LMF2: variants seen among roughly 807,000 people sequenced by gnomAD.
LMF2 encodes lipase maturation factor 2.
In LMF2, 113 loss-of-function variants were observed where a neutral mutation model predicts 81.5. The ratio of observed to expected loss-of-function variants is 1.39; its 90% confidence interval spans 1.19 to 1.62. The LOEUF is 1.62. Ranked by LOEUF, LMF2 falls within the 40% of genes most tolerant of loss-of-function variation. The pLI, the probability that LMF2 is intolerant of heterozygous loss-of-function variation, is 0.00. For missense variants in LMF2, 1,235 were observed against 929.1 expected (o/e 1.33, Z -4.28); for synonymous variants, 645 against 424.5 (o/e 1.52, Z -6.39).
rs752124092 is a variant in LMF2, at chr22:50,505,697, C to T, written c.893G>A (p.Gly298Asp). ...DQHLAAEPGH[G>D]SRKKTATSWP... is the part of the protein sequence containing the mutation. ...ACAGGTGGCCGTCTTCTTGCGGCTGCCGTGGCCAGGCTCAGCAGCCAGGTG... is the reference window on the plus strand; with the variant it reads ...ACAGGTGGCCGTCTTCTTGCGGCTGTCGTGGCCAGGCTCAGCAGCCAGGTG... The change falls in exon 6 of 14, where the codon GGC becomes GAC. Residue 298 changes from glycine (G) to aspartate (D), a missense_variant. Coordinates refer to ENST00000474879, the MANE Select transcript of LMF2 (RefSeq NM_033200.3). 2 of 1,612,410 alleles carry T rather than the reference C, an allele frequency of 1.2e-6. No individual in the cohort carries two copies. Among genetic ancestry groups the T allele is most frequent in the South Asian group, 2.2e-5 (2 of 91,088 alleles).
chr22:50,503,634 G>T lies in LMF2; in HGVS notation c.1881C>A (p.Arg627=), dbSNP rs761733548. 31 of 1,588,778 alleles carry T rather than the reference G, an allele frequency of 2.0e-5. No individual in the cohort carries two copies. The highest frequency in any genetic ancestry group is 2.2e-5 in the Non-Finnish European group (26 of 1,169,422). ...STLAQALHWT[R]SQLSPLEAPA... is the part of the protein sequence containing the mutation. ...GGGCCTCCAGGGGAGACAGCTGAGA[G>T]CGAGTCCAGTGGAGGGCCTGGGCCA... Residue 627 remains arginine, a synonymous_variant, in exon 14 of 14, where the codon CGC becomes CGA. Transcript: ENST00000474879.
Position 50,504,633 on chromosome 22 carries a change from G to GCA in LMF2, c.1530_1531dup (p.Ala511ValfsTer27), listed in dbSNP as rs750878877. 6.2e-7 allele frequency: 1 copy of GCA among 1,608,016 alleles called. No individual in the cohort carries two copies. The highest frequency in any genetic ancestry group is 1.1e-5 in the South Asian group (1 of 90,990). ...GCTGTGCGTGTGTGGGCCCAGGGCT[G>GCA]CAAACCACATCTGCCAGTCCAGGCG... On this transcript the variant is annotated frameshift_variant, in exon 11 of 14. Transcript: ENST00000474879. LOFTEE classifies it high-confidence loss of function.
rs369404627 is a variant in LMF2 at position 50,505,728 on chromosome 22, C to G, written c.862G>C (p.Asp288His). 1.9e-6 allele frequency: 3 copies of G among 1,613,030 alleles called. No individual in the cohort carries two copies. The highest frequency in any genetic ancestry group is 2.5e-6 in the Non-Finnish European group (3 of 1,179,954). ...TLVLTTALLDDQHLAAEPGHG... is the reference protein window; with the variant it reads ...TLVLTTALLDHQHLAAEPGHG... Reference sequence around the variant, plus strand: ...CCAGGCTCAGCAGCCAGGTGCTGGTCGTCCAGCAGCGCAGTGGTAAGCACC... The same window carrying G: ...CCAGGCTCAGCAGCCAGGTGCTGGTGGTCCAGCAGCGCAGTGGTAAGCACC... Residue 288 changes from aspartate to histidine, a missense_variant, in exon 6 of 14, where the codon GAC (aspartate) becomes CAC (histidine). Asp to His is a moderately conservative substitution (Grantham distance 81). Transcript: ENST00000474879.
chr22:50,506,594 C>A (rs781169580), intron 3 of LMF2, 44 bp downstream of exon 3: 1 of 1,602,580 alleles, frequency 6.2e-7, no homozygotes, highest in East Asian at 2.2e-5. Context: ...CCTCCCCCAC[C>A]CCCTACCCAG....
In LMF2 at chr22:50,506,794, CAGGT is replaced by C. The variant is rs1466036274; in HGVS notation, c.332_335del (p.Tyr111CysfsTer20). On this transcript the variant is annotated frameshift_variant, in exon 2 of 14. Transcript: ENST00000474879. LOFTEE classifies it high-confidence loss of function. Reference sequence around the variant, plus strand: ...AGGTCCCACTTGCCTGGCAGGCTGACAGGTAGGCGGCCCAAAGCAGCAAGTAGAT... The same window carrying C: ...AGGTCCCACTTGCCTGGCAGGCTGACAGGCGGCCCAAAGCAGCAAGTAGAT... 3.1e-6 allele frequency: 5 copies of C among 1,612,520 alleles called. No individual in the cohort carries two copies. The African/African-American group carries it at 4.0e-5, about 13-fold the overall frequency.
intron 1 of LMF2, 191 bp from the exon 2 acceptor site, chr22:50,507,226 A>T: frequency 1.1e-6 from 1 of 925,074 alleles, no homozygotes; most frequent in Non-Finnish European, 1.6e-6. Context: ...CCAGGGCTAG[A>T]GGCCTGCTCA....
rs1030419990 is a variant in LMF2, at chr22:50,503,910, G to A, written c.1719-6C>T. Reference sequence around the variant, plus strand: ...ACTGGCGCCGCCACCACTGGCTGCAGCAGGACCCGATGTTCAGAAGCTGGA... The same window carrying A: ...ACTGGCGCCGCCACCACTGGCTGCAACAGGACCCGATGTTCAGAAGCTGGA... On this transcript the variant is annotated splice_region_variant and splice_polypyrimidine_tract_variant and intron_variant, in intron 12 of 13. Transcript: ENST00000474879. 2 of 1,604,008 alleles carry A rather than the reference G, an allele frequency of 1.2e-6. No homozygotes were observed. Among genetic ancestry groups the A allele is most frequent in the East Asian group, 2.2e-5 (1 of 44,842 alleles).
In LMF2 at chr22:50,506,794, C is replaced by T; in HGVS notation, c.336G>A (p.Leu112=). 1 of 1,612,638 alleles carries T rather than the reference C, an allele frequency of 6.2e-7. No homozygotes were observed. Among genetic ancestry groups the T allele is most frequent in the Non-Finnish European group, 8.5e-7 (1 of 1,179,544 alleles). Residue 112 remains leucine, a synonymous_variant, in exon 2 of 14, where the codon CTG becomes CTA. Coordinates refer to ENST00000474879, the MANE Select transcript of LMF2 (RefSeq NM_033200.3). ...AGGTCCCACTTGCCTGGCAGGCTGA[C>T]AGGTAGGCGGCCCAAAGCAGCAAGT... The part of the protein sequence containing the change: ...VIYLLLWAAY[L]SACQVGQVFL...
At position 50,505,540 on chromosome 22, in the gene LMF2, G is replaced by C; in HGVS notation, c.917-3C>G. The C allele has an allele frequency of 6.2e-7, 1 of 1,612,462 alleles. No homozygotes were observed. Among genetic ancestry groups the C allele is most frequent in the Non-Finnish European group, 8.5e-7 (1 of 1,179,994 alleles). ...GGCCAGCAGGGCCTTGGGCCAGGCTGTGGGGCAGGACAGTCATGGGTCAGC... is the reference window on the plus strand; with the variant it reads ...GGCCAGCAGGGCCTTGGGCCAGGCTCTGGGGCAGGACAGTCATGGGTCAGC... On this transcript the variant is annotated splice_region_variant and splice_polypyrimidine_tract_variant and intron_variant, in intron 6 of 13. Transcript: ENST00000474879.
Position 50,503,918 on chromosome 22 carries a change from C to T in LMF2, c.1719-14G>A, listed in dbSNP as rs373613600. On this transcript the variant is annotated splice_polypyrimidine_tract_variant and intron_variant, in intron 12 of 13. Coordinates refer to ENST00000474879, the MANE Select transcript of LMF2 (RefSeq NM_033200.3). ...CGCCACCACTGGCTGCAGCAGGACC[C>T]GATGTTCAGAAGCTGGAGGCACCCC... is the stretch of plus-strand genomic sequence containing the variant. 88 of 1,602,986 alleles carry T rather than the reference C, an allele frequency of 5.5e-5. No homozygotes were observed. Among genetic ancestry groups the T allele is most frequent in the Non-Finnish European group, 6.4e-5 (76 of 1,178,874 alleles).
rs2068541736 is a variant in LMF2, at chr22:50,505,654, GC to G, written c.916+19del. On this transcript the variant is annotated intron_variant, in intron 6 of 13. Transcript: ENST00000474879. ...GGGAGAACCCCTGGGAGGGCAGGGG[GC>G]TGGACAAGTGACACGCACAGGTGGC... The G allele has an allele frequency of 6.2e-7, 1 of 1,612,428 alleles. No individual in the cohort carries two copies.
At chr22:50,504,504 C>CAA in intron 11 of LMF2, 53 bp from the exon 12 acceptor site, 1 of 1,498,406 alleles carries the variant, frequency 6.7e-7, no homozygotes, top group East Asian at 2.4e-5. Context: ...TGCCCCTCCC[C>CAA]TCCCCACCCC....
At position 50,503,715 on chromosome 22, in the gene LMF2, A is replaced by C. The variant is rs1352164394; in HGVS notation, c.1816-16T>G. On this transcript the variant is annotated splice_polypyrimidine_tract_variant and intron_variant, in intron 13 of 13. Transcript: ENST00000474879. Reference sequence around the variant, plus strand: ...GGCTTTTCTCCTGTGGGAGGGAGGGAGGGAGGGAGGTTGGGGAAGTGCTTA... The same window carrying C: ...GGCTTTTCTCCTGTGGGAGGGAGGGCGGGAGGGAGGTTGGGGAAGTGCTTA... 1 of 579,964 alleles carries C rather than the reference A, an allele frequency of 1.7e-6. No homozygotes were observed. Among genetic ancestry groups the C allele is most frequent in the African/African-American group, 2.3e-5 (1 of 43,724 alleles). 35.9% of individuals were successfully genotyped at this position (579,964 alleles called of 1,614,324 possible).
Position 50,503,917 on chromosome 22 carries a change from C to A in LMF2, c.1719-13G>T, listed in dbSNP as rs752373682. The A allele has an allele frequency of 1.7e-5, 27 of 1,603,182 alleles. No homozygotes were observed. Among genetic ancestry groups the A allele is most frequent in the Non-Finnish European group, 8.5e-7 (1 of 1,178,980 alleles). ...CCGCCACCACTGGCTGCAGCAGGACCCGATGTTCAGAAGCTGGAGGCACCC... is the reference window on the plus strand; with the variant it reads ...CCGCCACCACTGGCTGCAGCAGGACACGATGTTCAGAAGCTGGAGGCACCC... On this transcript the variant is annotated splice_polypyrimidine_tract_variant and intron_variant, in intron 12 of 13. Transcript: ENST00000474879.
intron 11 of LMF2, 49 bp from the exon 12 acceptor site, chr22:50,504,500 T>TCCCCCCCCCCCC: frequency 2.0e-6 from 1 of 501,442 alleles, no homozygotes; most frequent in East Asian, 5.9e-5. Context: ...GCCCTGCCCC[T>TCCCCCCCCCCCC]CCCCTCCCCA....
chr22:50,505,946 GAGCC>G, intron 5 of LMF2, 85 bp downstream of exon 5: 3 of 1,560,872 alleles, frequency 1.9e-6, no homozygotes, highest in Non-Finnish European at 2.6e-6. Flanking sequence ...CTGTCCCCGG[GAGCC>G]ACGCTGTCCC....
chr22:50,503,245 A>G lies in LMF2; in HGVS notation c.*146T>C. 1.2e-6 allele frequency: 1 copy of G among 809,038 alleles called. No homozygotes were observed. Among genetic ancestry groups the G allele is most frequent in the Non-Finnish European group, 1.9e-6 (1 of 526,676 alleles). 50.1% of individuals were successfully genotyped at this position (809,038 alleles called of 1,614,324 possible). A position where few individuals can be genotyped will look rare whatever the true frequency, so the allele number is the denominator to read the frequency against. On this transcript the variant is annotated 3_prime_UTR_variant, in exon 14 of 14. Coordinates refer to ENST00000474879, the MANE Select transcript of LMF2 (RefSeq NM_033200.3). Reference sequence around the variant, plus strand: ...TGGGGCCTGGAGCCCTCAATGCAGCACCCTGCAAACCCCAGGGGCAGCCCC... The same window carrying G: ...TGGGGCCTGGAGCCCTCAATGCAGCGCCCTGCAAACCCCAGGGGCAGCCCC...
At position 50,504,383 on chromosome 22, in the gene LMF2, C is replaced by T. The variant is rs1189483507; in HGVS notation, c.1675G>A (p.Ala559Thr). Residue 559 changes from alanine (A) to threonine (T), a missense_variant, in exon 12 of 14, where the codon GCC becomes ACC. Ala to Thr is a moderately conservative substitution (Grantham distance 58). Transcript: ENST00000474879. ...GAGAACCAGTACTTGTAGCGCTGGG[C>T]TCGGACGTAGGTGGGCGGCTGCTTG... ...FHKQPPTYVR[A>T]QRYKYWFSQP... 6.2e-7 allele frequency: 1 copy of T among 1,612,376 alleles called. No individual in the cohort carries two copies. Among genetic ancestry groups the T allele is most frequent in the Non-Finnish European group, 8.5e-7 (1 of 1,179,674 alleles).
rs141821853 is a variant in LMF2 at position 50,504,592 on chromosome 22, G to C, written c.1573C>G (p.Leu525Val). The change falls in exon 11 of 14, where the codon CTG (leucine) becomes GTG (valine). Residue 525 changes from leucine to valine, a missense_variant. Transcript: ENST00000474879. ...TTGCCCTGCAGCAGGCGCAAGACCAGGCTTGTGAACCACGGGCTGTGCGTG... is the reference window on the plus strand; with the variant it reads ...TTGCCCTGCAGCAGGCGCAAGACCACGCTTGTGAACCACGGGCTGTGCGTG... ...PHTHSPWFTS[L>V]VLRLLQGKEP... is the part of the protein sequence containing the mutation. The C allele has an allele frequency of 1.9e-6, 3 of 1,596,892 alleles. No homozygotes were observed. Among genetic ancestry groups the C allele is most frequent in the Non-Finnish European group, 2.6e-6 (3 of 1,174,138 alleles).
Sources: gnomAD v4.1 joint callset for allele counts on GRCh38, gnomAD v4.1.1 for gene constraint, MANE v1.5 for transcripts, NCBI Gene and HGNC (gene_info 2026-07-23, HGNC 2026-07-21) for gene names.